Variants in CCDC47 observed in about 807,000 individuals in gnomAD.
CCDC47 encodes PAT complex subunit CCDC47.
Under a neutral mutation model 60.5 loss-of-function variants are expected in CCDC47, and 41 were observed. The observed-to-expected ratio is 0.68, with a 90% CI of 0.53 to 0.88. The LOEUF (loss-of-function observed/expected upper bound fraction) is 0.88. Ranked by LOEUF, CCDC47 falls within the 40% of genes least tolerant of loss-of-function variation. The pLI is 0.00. For synonymous variants in CCDC47, 195 were observed against 190.7 expected (o/e 1.02, Z -0.18); for missense variants, 513 against 580.9 (o/e 0.88, Z 1.20).
rs149613414 is a variant in CCDC47 at position 63,768,652 on chromosome 17, C to T, written c.-19-2458G>A. Among the ~76,000 whole-genome samples the T allele has an allele frequency of 4.1e-4, 62 of 152,248 alleles. No homozygotes were observed. In the East Asian group the frequency reaches 0.012, roughly 29 times the overall value. On this transcript the variant is annotated intron_variant, in intron 1 of 12. Transcript: ENST00000225726. ...GAGGCTGCAGTGAACTGTGATCATG[C>T]TAATGCATTCCAGCCTGGGTGACAG...
At position 63,756,064 on chromosome 17, in the gene CCDC47, T is replaced by C. The variant is rs370051381; in HGVS notation, c.948+176A>G. On this transcript the variant is annotated intron_variant, in intron 8 of 12. Coordinates refer to ENST00000225726, the MANE Select transcript of CCDC47 (RefSeq NM_020198.3). Reference sequence around the variant, plus strand: ...TTAGAGAACTTCTTGACTAATCAAATTGTCCTTTTGACAAGCTAATTTATT... The same window carrying C: ...TTAGAGAACTTCTTGACTAATCAAACTGTCCTTTTGACAAGCTAATTTATT... 7.2e-5 allele frequency among the ~76,000 whole-genome samples: 11 copies of C among 152,344 alleles called. 1 individual carries two copies. In the East Asian group the frequency reaches 1.2e-3, roughly 16 times the overall value.
chr17:63,761,081 C>A, intron 5 of CCDC47, 102 bp from the exon 6 acceptor site: 1 of 1,373,642 alleles, frequency 7.3e-7, no homozygotes, highest in East Asian at 2.3e-5. Flanking sequence ...ATATACTTTA[C>A]GACACATTTG....
chr17:63,752,159 A>T (rs760865392), intron 11 of CCDC47, 52 bp from the exon 12 acceptor site: 1 of 1,588,122 alleles, frequency 6.3e-7, no homozygotes. Context: ...AGTCAACAGC[A>T]ACAAAATCCC....
At chr17:63,751,764 G>A (rs948267192) in intron 12 of CCDC47, 176 bp downstream of exon 12, 4 of 701,354 alleles carry the variant, frequency 5.7e-6, no homozygotes, top group Middle Eastern at 2.5e-4. Context: ...AGTGTGGCAC[G>A]GCTTGAACAG....
At chr17:63,772,454 T>C (rs923124943) in intron 1 of CCDC47, among the ~76,000 whole-genome samples, 1 of 151,892 alleles carries the variant, frequency 6.6e-6, no homozygotes, top group African/African-American at 2.4e-5. Context: ...GGGGTTTCAC[T>C]GTGTTAGCCA....
intron 9 of CCDC47, chr17:63,753,598 T>C: frequency 1.0e-6 from 1 of 969,958 alleles, no homozygotes; most frequent in South Asian, 4.8e-5. Flanking sequence ...AGGCTGTGAA[T>C]TCAAAGAACA....
In CCDC47 at chr17:63,756,575, TAA is replaced by T; in HGVS notation, c.736-7_736-6del. On this transcript the variant is annotated splice_region_variant and splice_polypyrimidine_tract_variant and intron_variant, in intron 6 of 12. Coordinates refer to ENST00000225726, the MANE Select transcript of CCDC47 (RefSeq NM_020198.3). ...ATTCATGGTTACTTTTATTTGCTTT[TAA>T]AAAAATGTAAAAAACAACAAAATTC... The T allele has an allele frequency of 6.3e-7, 1 of 1,596,742 alleles. No individual in the cohort carries two copies. Among genetic ancestry groups the T allele is most frequent in the Non-Finnish European group, 8.6e-7 (1 of 1,165,418 alleles).
intron 9 of CCDC47, among the ~76,000 whole-genome samples, chr17:63,753,889 C>T (rs572159582): frequency 2.6e-5 from 4 of 152,148 alleles, no homozygotes; most frequent in South Asian, 2.1e-4. Context: ...AGGTGGATCA[C>T]GAGGTCAGGA....
At chr17:63,756,196 TAA>T (rs1309026288) in intron 8 of CCDC47, 42 bp downstream of exon 8, 1 of 1,348,238 alleles carries the variant, frequency 7.4e-7, no homozygotes, top group Admixed American at 1.7e-5. Flanking sequence ...GAGTGTCCTG[TAA>T]ATGCCAAGGC....
intron 1 of CCDC47, among the ~76,000 whole-genome samples, chr17:63,767,950 T>C (rs577737543): frequency 7.2e-5 from 11 of 152,202 alleles, no homozygotes; most frequent in Admixed American, 3.3e-4. Context: ...GGTGTTTCCT[T>C]CTTTGATTCC....
intron 1 of CCDC47, among the ~76,000 whole-genome samples, chr17:63,770,268 C>T (rs1377485956): frequency 2.0e-5 from 3 of 151,916 alleles, no homozygotes; most frequent in Non-Finnish European, 2.9e-5. Context: ...CCACCGTGCC[C>T]GGACTAATTT....
chr17:63,749,722 C>A (rs1247949332), intron 12 of CCDC47, among the ~76,000 whole-genome samples: 1 of 150,382 alleles, frequency 6.6e-6, no homozygotes, highest in African/African-American at 2.5e-5. Context: ...GCACTCCAGC[C>A]TGGTGAAAGA....
intron 12 of CCDC47, among the ~76,000 whole-genome samples, chr17:63,750,726 A>G (rs2039156562): frequency 6.6e-6 from 1 of 152,062 alleles, no homozygotes; most frequent in African/African-American, 2.4e-5. Flanking sequence ...CTGGGATTAC[A>G]GGCACGCGCC....
At chr17:63,768,483 T>G (rs555149982) in intron 1 of CCDC47, among the ~76,000 whole-genome samples, 1 of 151,890 alleles carries the variant, frequency 6.6e-6, no homozygotes, top group Non-Finnish European at 1.5e-5. Flanking sequence ...AGCCCAAGAG[T>G]TGGAGACCAG....
chr17:63,749,013 A>G (rs1466744618), intron 12 of CCDC47, among the ~76,000 whole-genome samples: 1 of 150,340 alleles, frequency 6.7e-6, no homozygotes, highest in Non-Finnish European at 1.5e-5. Flanking sequence ...GTTTGTCTCA[A>G]AGAAAAAAAA....
At chr17:63,770,331 G>A (rs755699597) in intron 1 of CCDC47, among the ~76,000 whole-genome samples, 18 of 151,956 alleles carry the variant, frequency 1.2e-4, no homozygotes, top group Non-Finnish European at 2.1e-4. Context: ...TGCAGACTGC[G>A]GAACAGGTTT....
intron 1 of CCDC47, among the ~76,000 whole-genome samples, chr17:63,767,952 T>G (rs1208771340): frequency 1.3e-5 from 2 of 152,184 alleles, no homozygotes; most frequent in Non-Finnish European, 2.9e-5. Flanking sequence ...TGTTTCCTTC[T>G]TTGATTCCTA....
At position 63,749,704 on chromosome 17, in the gene CCDC47, G is replaced by A. The variant is rs907454382; in HGVS notation, c.1371+2236C>T. Among the ~76,000 whole-genome samples the A allele has an allele frequency of 1.8e-4, 27 of 150,850 alleles. 1 individual carries two copies. Among genetic ancestry groups the A allele is most frequent in the African/African-American group, 5.6e-4 (23 of 40,906 alleles). On this transcript the variant is annotated intron_variant, in intron 12 of 12. Transcript: ENST00000225726. Reference sequence around the variant, plus strand: ...GTGGAGGCTGCAGCGAGCTGAGATCGCGCCACTGCACTCCAGCCTGGTGAA... The same window carrying A: ...GTGGAGGCTGCAGCGAGCTGAGATCACGCCACTGCACTCCAGCCTGGTGAA...
At chr17:63,752,650 G>A (rs2039175937) in intron 10 of CCDC47, 91 bp downstream of exon 10, 3 of 1,348,526 alleles carry the variant, frequency 2.2e-6, no homozygotes, top group Middle Eastern at 1.9e-4. Flanking sequence ...TTTTGACGTA[G>A]TTTTAAAGCT....
Sources: gnomAD v4.1 joint callset for allele counts (sites outside exome capture counted in the v4.1 genomes callset) on GRCh38, gnomAD v4.1.1 for gene constraint, MANE v1.5 for transcripts, NCBI Gene and HGNC (gene_info 2026-07-23, HGNC 2026-07-21) for gene names.